Variants in CCDC38 observed in about 807,000 individuals in gnomAD.
The protein encoded by CCDC38 is coiled-coil domain-containing protein 38.
In CCDC38, 69 loss-of-function variants were observed where a neutral mutation model predicts 72.8. The ratio of observed to expected loss-of-function variants is 0.95; its 90% CI spans 0.78 to 1.16. The LOEUF is 1.16. Ranked by LOEUF, CCDC38 falls within the 50% of genes most tolerant of loss-of-function variation. The pLI, the probability that CCDC38 is intolerant of heterozygous loss-of-function variation, is 0.00. For synonymous variants in CCDC38, 201 were observed against 213.2 expected, an observed-to-expected ratio of 0.94 and a Z score of 0.50; for missense variants, 626 against 638.9, an observed-to-expected ratio of 0.98 and a Z score of 0.22.
At chr12:95,877,328 C>T (rs140923317) in intron 13 of CCDC38, among the ~76,000 whole-genome samples, 172 of 152,264 alleles carry the variant, frequency 1.1e-3, no homozygotes, top group African/African-American at 3.8e-3. Context: ...GGTATATAAG[C>T]TCTGGAAAAC....
intron 8 of CCDC38, among the ~76,000 whole-genome samples, chr12:95,892,053 G>A (rs549650803): frequency 3.4e-5 from 5 of 145,628 alleles, no homozygotes; most frequent in Non-Finnish European, 7.5e-5. Flanking sequence ...TCACCTCCCT[G>A]GTTTCCCCTC....
intron 8 of CCDC38, among the ~76,000 whole-genome samples, chr12:95,892,278 CTTTTTT>C (rs774500212): frequency 2.6e-5 from 2 of 75,976 alleles, no homozygotes; most frequent in African/African-American, 6.0e-5. Flanking sequence ...TTATTACAAT[CTTTTTT>C]TTTTTTTTTT....
At chr12:95,943,202 C>T (rs1592817972), upstream of CCDC38, 1 of 558,800 alleles carries the variant, frequency 1.8e-6, no homozygotes, top group Non-Finnish European at 3.0e-6. Context: ...GTTTATTACT[C>T]GTTGCCATTC....
chr12:95,908,319 AG>A (rs2080036618), intron 4 of CCDC38, among the ~76,000 whole-genome samples: 1 of 150,446 alleles, frequency 6.6e-6, no homozygotes, highest in South Asian at 2.1e-4. Context: ...AAAACCAGTC[AG>A]GCGTGGCGGC....
chr12:95,906,892 A>G (rs1592782503), intron 4 of CCDC38, among the ~76,000 whole-genome samples: 1 of 150,180 alleles, frequency 6.7e-6, no homozygotes, highest in Non-Finnish European at 1.5e-5. Flanking sequence ...GCAGGGTCAC[A>G]GGACAATAGT....
intron 8 of CCDC38, 60 bp from the exon 9 acceptor site, chr12:95,890,990 T>C (rs1313056527): frequency 4.4e-6 from 4 of 906,712 alleles, no homozygotes; most frequent in African/African-American, 1.6e-5. Context: ...AAAACACTGC[T>C]GAGAAAGAGA....
At chr12:95,870,026 G>T (rs943775213) in intron 14 of CCDC38, among the ~76,000 whole-genome samples, 11 of 152,058 alleles carry the variant, frequency 7.2e-5, no homozygotes, top group Admixed American at 7.2e-4. Flanking sequence ...GTGTCACCAT[G>T]TTTCCCAGGC....
At chr12:95,900,657 T>C (rs1175374460) in intron 5 of CCDC38, among the ~76,000 whole-genome samples, 1 of 152,184 alleles carries the variant, frequency 6.6e-6, no homozygotes. Flanking sequence ...GCAATTGTCA[T>C]TAGAATGCCT....
chr12:95,933,302 T>A (rs958860062), intron 2 of CCDC38: 6 of 152,122 alleles, frequency 3.9e-5, no homozygotes, highest in Non-Finnish European at 8.8e-5. Context: ...GATGACATAA[T>A]TGGGATATAC....
intron 5 of CCDC38, among the ~76,000 whole-genome samples, chr12:95,903,129 T>C (rs1201372619): frequency 6.6e-6 from 1 of 152,174 alleles, no homozygotes; most frequent in Non-Finnish European, 1.5e-5. Flanking sequence ...TACAAACATA[T>C]CTAGAATTAT....
chr12:95,928,488 C>T (rs1328415475), intron 2 of CCDC38, among the ~76,000 whole-genome samples: 9 of 152,196 alleles, frequency 5.9e-5, no homozygotes, highest in Non-Finnish European at 8.8e-5. Context: ...GTTTGAATTT[C>T]CTCCCGTAGC....
At chr12:95,883,985 G>A (rs544200346) in intron 10 of CCDC38, among the ~76,000 whole-genome samples, 44 of 152,272 alleles carry the variant, frequency 2.9e-4, no homozygotes, top group African/African-American at 8.2e-4. Flanking sequence ...TCCAGCTAAC[G>A]TTATATTTAA....
chr12:95,878,240 T>C lies in CCDC38; in HGVS notation c.1249A>G (p.Ser417Gly), dbSNP rs1342278532. Reference sequence around the variant, plus strand: ...GCATCTGAATTAAATTCTCCAAAGCTAAAGAGCTTGGACTTTAATTGCAAT... The same window carrying C: ...GCATCTGAATTAAATTCTCCAAAGCCAAAGAGCTTGGACTTTAATTGCAAT... ...AELQLKSKLF[S>G]FGEFNSDAQE... Residue 417 changes from serine to glycine, a missense_variant, in exon 13 of 16, where the codon AGC becomes GGC. Transcript: ENST00000344280. The C allele has an allele frequency of 1.2e-6, 2 of 1,613,438 alleles. No homozygotes were observed. The highest frequency in any genetic ancestry group is 2.7e-5 in the African/African-American group (2 of 74,914).
At chr12:95,911,337 G>T (rs56028814) in intron 4 of CCDC38, among the ~76,000 whole-genome samples, 4,353 of 152,152 alleles carry the variant, frequency 0.029, 76 homozygotes, top group Non-Finnish European at 0.032. Context: ...CCTAGGAAAA[G>T]TTCTCAAAAC....
intron 2 of CCDC38, chr12:95,934,755 T>C (rs2080374525): frequency 6.7e-6 from 1 of 150,138 alleles, no homozygotes; most frequent in Admixed American, 6.6e-5. Flanking sequence ...ACACCTGTAG[T>C]CCCAGCACTT....
At chr12:95,918,307 T>C (rs2080168094) in intron 3 of CCDC38, among the ~76,000 whole-genome samples, 1 of 152,278 alleles carries the variant, frequency 6.6e-6, no homozygotes, top group South Asian at 2.1e-4. Flanking sequence ...CATCCCTTCT[T>C]CCTTCCCCAG....
At chr12:95,900,468 G>A (rs1472209726) in intron 5 of CCDC38, among the ~76,000 whole-genome samples, 2 of 152,164 alleles carry the variant, frequency 1.3e-5, no homozygotes, top group Non-Finnish European at 2.9e-5. Context: ...TTTGGAATTA[G>A]GGGTGATCAA....
intron 7 of CCDC38, 58 bp from the exon 8 acceptor site, chr12:95,895,204 G>GAA: frequency 7.7e-7 from 1 of 1,306,474 alleles, no homozygotes; most frequent in Non-Finnish European, 1.0e-6. Flanking sequence ...ACATTCATTA[G>GAA]AAAAAAATTT....
At chr12:95,918,442 T>C (rs1344139937) in intron 3 of CCDC38, among the ~76,000 whole-genome samples, 1 of 152,222 alleles carries the variant, frequency 6.6e-6, no homozygotes, top group Non-Finnish European at 1.5e-5. Context: ...TTTCTCTATA[T>C]TTCTTTGGCA....
Sources: allele counts gnomAD v4.1 joint callset (sites outside exome capture counted in the v4.1 genomes callset), GRCh38; gene constraint gnomAD v4.1.1; transcripts MANE v1.5; gene names NCBI Gene and HGNC (gene_info 2026-07-23, HGNC 2026-07-21).